XBP1: variants seen among roughly 807,000 people sequenced by gnomAD.
XBP1 encodes the protein X-box binding protein 1, also known as X-box-binding protein 1.
A neutral mutation model predicts 34.6 loss-of-function variants in XBP1; 18 were observed. The observed-to-expected ratio is 0.52, with a 90% CI of 0.36 to 0.77. XBP1 has a LOEUF of 0.77. XBP1 is among the 30% of genes least tolerant of loss of function. The probability of loss-of-function intolerance (pLI) is 0.00; values close to 1 mark genes in which losing one functional copy is unlikely to be tolerated. For synonymous variants in XBP1, 191 were observed against 193.4 expected (o/e 0.99, Z 0.11); for missense variants, 422 against 464.6 (o/e 0.91, Z 0.84).
At chr22:28,796,273 A>G (rs529343344) in intron 3 of XBP1, 81 bp from the exon 4 acceptor site, 31 of 1,357,466 alleles carry the variant, frequency 2.3e-5, no homozygotes, top group Non-Finnish European at 2.8e-5. Context: ...TCTCAACTTT[A>G]AAGAATTACT....
At chr22:28,796,947 A>G (rs1337910422) in intron 3 of XBP1, 130 bp downstream of exon 3, 1 of 1,221,472 alleles carries the variant, frequency 8.2e-7, no homozygotes, top group East Asian at 2.5e-5. Context: ...CCTGCATGAA[A>G]ATGTCTTAAA....
At chr22:28,795,240 C>T in exon 6 of XBP1, 5 of 1,549,112 alleles carry the variant, frequency 3.2e-6, no homozygotes, top group Non-Finnish European at 4.4e-6. Context: ...TGGTTTACAC[C>T]AAGCAGAGAG....
In XBP1 at chr22:28,800,339, C is replaced by G. The variant is rs755819640; in HGVS notation, c.186G>C (p.Gln62His). ...CCTCGGGGCTCAGGTGCGTGAGGCG[C>G]TGTCGCTTGCGCGCCTGGGGCAGCC... Residue 62 changes from glutamine (Q) to histidine (H), a missense_variant, in exon 1 of 6, where the codon CAG (glutamine) becomes CAC (histidine). Physicochemically the swap from Gln to His is conservative, Grantham distance 24 (BLOSUM62 0). Coordinates refer to ENST00000344347, the Ensembl canonical transcript of XBP1. 7.1e-6 allele frequency: 11 copies of G among 1,549,964 alleles called. No individual in the cohort carries two copies. In the African/African-American group the frequency reaches 1.4e-4, roughly 20 times the overall value.
At chr22:28,800,516 C>T (rs1166723482) in exon 1 of XBP1, 1 of 1,491,632 alleles carries the variant, frequency 6.7e-7, no homozygotes, top group Non-Finnish European at 8.8e-7. Flanking sequence ...CGGCTGCCAC[C>T]ACCACCATAG....
upstream of XBP1, chr22:28,800,561 C>A: frequency 6.8e-7 from 1 of 1,464,562 alleles, no homozygotes; most frequent in Non-Finnish European, 9.0e-7. Flanking sequence ...CGCGCCGCAG[C>A]CGCCCAGCGC....
chr22:28,796,985 TG>T, intron 3 of XBP1, 91 bp downstream of exon 3: 6 of 1,475,216 alleles, frequency 4.1e-6, no homozygotes, highest in Non-Finnish European at 5.4e-6. Flanking sequence ...AGAACGCTCT[TG>T]ATCAGAAGTC....
In XBP1 at chr22:28,800,428, CGGCCGGGGCTCCGGCGGCGGAGGCG is replaced by C. The variant is rs1257576775; in HGVS notation, c.72_96del (p.Ser26ArgfsTer34). ...GGCACCATGAGCGGCAGGGCCTGGC[CGGCCGGGGCTCCGGCGGCGGAGGCG>C]GGCTGCCCCGACAGAAGCAGAACTT... is the stretch of plus-strand genomic sequence containing the variant. On this transcript the variant is annotated frameshift_variant, in exon 1 of 6. Transcript: ENST00000344347. LOFTEE classifies it high-confidence loss of function. 2.0e-6 allele frequency: 3 copies of C among 1,488,296 alleles called. No homozygotes were observed. The highest frequency in any genetic ancestry group is 2.7e-6 in the Non-Finnish European group (3 of 1,125,976). 92.2% of individuals were successfully genotyped at this position (1,488,296 alleles called of 1,614,324 possible).
chr22:28,796,183 C>T lies in XBP1; in HGVS notation c.463G>A (p.Val155Met), dbSNP rs755868711. Residue 155 changes from valine to methionine, a missense_variant, in exon 4 of 6, where the codon GTG becomes ATG. By Grantham distance (21) the Val-to-Met change is conservative (BLOSUM62 1). Coordinates refer to ENST00000344347, the Ensembl canonical transcript of XBP1. ...TCAGCAGACCCGGCCACTGGCCTCA[C>T]TTCATTCCCCTGGGAGGAAAGACCA... 9.6e-6 allele frequency: 15 copies of T among 1,564,434 alleles called. No individual in the cohort carries two copies. In the Admixed American group the frequency reaches 1.8e-4, roughly 19 times the overall value.
At chr22:28,798,902 T>C in intron 2 of XBP1, 155 bp downstream of exon 2, 1 of 578,644 alleles carries the variant, frequency 1.7e-6, no homozygotes, top group East Asian at 3.1e-5. Context: ...ATTACAGGCA[T>C]GAGCCACCAT....
exon 6 of XBP1, chr22:28,795,328 T>C (rs1234023157): frequency 6.4e-7 from 1 of 1,551,978 alleles, no homozygotes; most frequent in Non-Finnish European, 8.7e-7. Context: ...AAGATGGCTT[T>C]GGGCAGTGGC....
At chr22:28,799,829 T>C in intron 1 of XBP1, 1 of 610,094 alleles carries the variant, frequency 1.6e-6, no homozygotes. Flanking sequence ...ATGAAGTAGG[T>C]TCCATTTTAA....
intron 5 of XBP1, 54 bp from the exon 6 acceptor site, chr22:28,795,786 C>G (rs2031739180): frequency 1.2e-5 from 18 of 1,489,692 alleles, no homozygotes; most frequent in Non-Finnish European, 1.5e-5. Flanking sequence ...AATGGAAAAT[C>G]TAACTGGAAC....
chr22:28,800,532 G>C (rs1166649083), upstream of XBP1: 5 of 1,483,504 alleles, frequency 3.4e-6, no homozygotes, highest in Non-Finnish European at 3.6e-6. Context: ...CATAGCTCCA[G>C]ACTACGCACC....
At chr22:28,800,023 A>ACAGGTG (rs752018559) in intron 1 of XBP1, 1 of 779,156 alleles carries the variant, frequency 1.3e-6, no homozygotes, top group Admixed American at 1.7e-5. Context: ...GGCCTGGAAG[A>ACAGGTG]CAGGTGCCCG....
downstream of XBP1, chr22:28,795,021 TG>T (rs2031717635): frequency 1.6e-6 from 1 of 620,364 alleles, no homozygotes; most frequent in Non-Finnish European, 2.5e-6. Context: ...AGACAATACC[TG>T]GGGGTCATCT....
At chr22:28,797,353 G>T in intron 2 of XBP1, 148 bp from the exon 3 acceptor site, 1 of 967,502 alleles carries the variant, frequency 1.0e-6, no homozygotes, top group Non-Finnish European at 1.5e-6. Flanking sequence ...AAAAAGCTAG[G>T]CCATAATTAT....
Sources: allele counts gnomAD v4.1 joint callset, GRCh38; gene constraint gnomAD v4.1.1; transcripts MANE v1.5; gene names NCBI Gene and HGNC (gene_info 2026-07-23, HGNC 2026-07-21).